COLEC10: variants seen among roughly 807,000 people sequenced by gnomAD.
The protein encoded by COLEC10 is collectin subfamily member 10.
Under a neutral mutation model 28.4 loss-of-function variants are expected in COLEC10, and 22 were observed. The ratio of observed to expected loss-of-function variants is 0.78; its 90% CI spans 0.55 to 1.11. COLEC10 has a LOEUF of 1.11. Ranked by LOEUF, COLEC10 falls within the 50% of genes least tolerant of loss-of-function variation. The pLI, the probability that COLEC10 is intolerant of heterozygous loss-of-function variation, is 0.00. For synonymous variants in COLEC10, 125 were observed against 116.1 expected, an observed-to-expected ratio of 1.08 and a Z score of -0.49; for missense variants, 361 against 344.1, an observed-to-expected ratio of 1.05 and a Z score of -0.39.
chr8:118,986,322 C>A, the COLEC10 span, among the ~76,000 whole-genome samples: 1 of 151,978 alleles, frequency 6.6e-6, no homozygotes, highest in Non-Finnish European at 1.5e-5. Context: ...ATGCTCTGAG[C>A]AGCAGAATAA....
upstream of COLEC10, among the ~76,000 whole-genome samples, chr8:119,065,867 AG>A (rs1325764318): frequency 3.3e-5 from 5 of 151,288 alleles, no homozygotes; most frequent in Admixed American, 6.6e-5. Context: ...AAAAAAAAAA[AG>A]AAAAAAGAAA....
intron 2 of COLEC10, among the ~76,000 whole-genome samples, chr8:119,037,656 T>G (rs1814413330): frequency 6.6e-6 from 1 of 152,234 alleles, no homozygotes; most frequent in Admixed American, 6.5e-5. Flanking sequence ...AAATTCCAGA[T>G]ATTTAAATGA....
chr8:119,077,662 G>C (rs924617163), intron 1 of COLEC10, among the ~76,000 whole-genome samples: 2 of 152,216 alleles, frequency 1.3e-5, no homozygotes, highest in African/African-American at 2.4e-5. Flanking sequence ...CTGAGTCTTA[G>C]AGCAAAGGAT....
At chr8:119,061,015 G>A (rs1814846249) in intron 2 of COLEC10, among the ~76,000 whole-genome samples, 1 of 152,002 alleles carries the variant, frequency 6.6e-6, no homozygotes, top group South Asian at 2.1e-4. Flanking sequence ...GCTAATAAAA[G>A]TAAGACAAAA....
intron 1 of COLEC10, among the ~76,000 whole-genome samples, chr8:118,999,096 T>G (rs1330954240): frequency 6.6e-6 from 1 of 152,166 alleles, no homozygotes; most frequent in Non-Finnish European, 1.5e-5. Flanking sequence ...GTATGAGATA[T>G]GCAAGGTATA....
intron 3 of COLEC10, among the ~76,000 whole-genome samples, chr8:119,097,860 A>C (rs555657215): frequency 6.6e-6 from 1 of 152,172 alleles, no homozygotes; most frequent in Admixed American, 6.5e-5. Flanking sequence ...TCCAGAATTG[A>C]AGAACTTTTT....
rs143958552 is a variant in COLEC10 at position 119,099,309 on chromosome 8, A to G, written c.293-3039A>G. Among the ~76,000 whole-genome samples, 69 of 152,172 alleles carry G rather than the reference A, an allele frequency of 4.5e-4. 1 individual carries two copies. The highest frequency in any genetic ancestry group is 1.6e-3 in the African/African-American group (68 of 41,558). On this transcript the variant is annotated intron_variant, in intron 3 of 5. Transcript: ENST00000332843. Reference sequence around the variant, plus strand: ...TAAGCTGGCTAAGTACTTGGCATGCATTCCTTTACCATAACTCAGATTCAG... The same window carrying G: ...TAAGCTGGCTAAGTACTTGGCATGCGTTCCTTTACCATAACTCAGATTCAG...
chr8:119,058,998 A>G (rs1814809200), intron 2 of COLEC10, among the ~76,000 whole-genome samples: 1 of 152,086 alleles, frequency 6.6e-6, no homozygotes, highest in South Asian at 2.1e-4. Flanking sequence ...TCTAATGAAT[A>G]AAAATTGTAA....
intron 1 of COLEC10, among the ~76,000 whole-genome samples, chr8:119,081,342 AT>A (rs1189663754): frequency 3.3e-5 from 5 of 152,110 alleles, no homozygotes; most frequent in African/African-American, 1.2e-4. Flanking sequence ...TATTGCTTAT[AT>A]TTTTAGATAT....
intron 4 of COLEC10, among the ~76,000 whole-genome samples, chr8:119,103,165 T>A (rs528253506): frequency 1.8e-4 from 28 of 152,266 alleles, no homozygotes; most frequent in African/African-American, 6.3e-4. Flanking sequence ...CAGCAATATT[T>A]GCAGGTTGTT....
At chr8:118,965,713 AAAG>A in the COLEC10 span, among the ~76,000 whole-genome samples, 1 of 152,058 alleles carries the variant, frequency 6.6e-6, no homozygotes, top group Non-Finnish European at 1.5e-5. Flanking sequence ...CAAAACAAGA[AAAG>A]AAGAAAAGGG....
chr8:119,006,072 C>T (rs1296298832), intron 1 of COLEC10, among the ~76,000 whole-genome samples: 2 of 152,002 alleles, frequency 1.3e-5, no homozygotes, highest in Non-Finnish European at 2.9e-5. Context: ...TGTGACAGTG[C>T]CCTAAATCTT....
At chr8:119,039,102 A>G (rs2130148266) in intron 2 of COLEC10, among the ~76,000 whole-genome samples, 1 of 152,140 alleles carries the variant, frequency 6.6e-6, no homozygotes, top group Non-Finnish European at 1.5e-5. Flanking sequence ...ATCTCTCACC[A>G]TGTTCTCTCT....
chr8:119,060,595 AGTTT>A (rs1432220144), intron 2 of COLEC10, among the ~76,000 whole-genome samples: 5 of 152,114 alleles, frequency 3.3e-5, no homozygotes, highest in African/African-American at 4.8e-5. Context: ...AAGAACAGTG[AGTTT>A]CTTAAATCCC....
At chr8:119,000,580 G>C (rs1003463936) in intron 1 of COLEC10, among the ~76,000 whole-genome samples, 1 of 152,108 alleles carries the variant, frequency 6.6e-6, no homozygotes, top group African/African-American at 2.4e-5. Flanking sequence ...TCTGAACATG[G>C]AGTCTAAGCA....
chr8:119,021,066 A>T (rs1814081958), intron 2 of COLEC10, among the ~76,000 whole-genome samples: 1 of 152,160 alleles, frequency 6.6e-6, no homozygotes, highest in African/African-American at 2.4e-5. Flanking sequence ...TTCATTTGTG[A>T]TCCAGTAAGC....
chr8:118,958,258 T>G, the COLEC10 span, among the ~76,000 whole-genome samples: 1 of 152,230 alleles, frequency 6.6e-6, no homozygotes, highest in African/African-American at 2.4e-5. Context: ...TTGGTGAGAA[T>G]TAGGGGGGCG....
intron 1 of COLEC10, among the ~76,000 whole-genome samples, chr8:119,004,540 G>T (rs1429741623): frequency 6.7e-6 from 1 of 149,998 alleles, no homozygotes; most frequent in South Asian, 2.1e-4. Context: ...CTCAATTCTT[G>T]ATTGATATAT....
intron 2 of COLEC10, among the ~76,000 whole-genome samples, chr8:119,043,571 G>A (rs1378778720): frequency 6.6e-6 from 1 of 152,168 alleles, no homozygotes; most frequent in Non-Finnish European, 1.5e-5. Flanking sequence ...TGTCTCTGGT[G>A]TGACTTTCAA....
Sources: allele counts gnomAD v4.1 joint callset (sites outside exome capture counted in the v4.1 genomes callset), GRCh38; gene constraint gnomAD v4.1.1; transcripts MANE v1.5; gene names NCBI Gene and HGNC (gene_info 2026-07-23, HGNC 2026-07-21).